The following GGCX variants were observed in gnomAD, a reference collection of about 807,000 sequenced individuals.
GGCX encodes the protein gamma-glutamyl carboxylase.
Under a neutral mutation model 88.5 loss-of-function variants are expected in GGCX, and 63 were observed. The observed-to-expected ratio is 0.71, with a 90% CI of 0.58 to 0.88. The LOEUF is 0.88. GGCX is among the 40% of genes least tolerant of loss of function. The pLI, the probability that GGCX is intolerant of heterozygous loss-of-function variation, is 0.00. For missense variants in GGCX, 805 were observed against 932.9 expected (o/e 0.86, Z 1.79); for synonymous variants, 368 against 365.8 (o/e 1.01, Z -0.07).
At chr2:85,559,894 T>A (rs1031857713) in intron 2 of GGCX, among the ~76,000 whole-genome samples, 1 of 152,150 alleles carries the variant, frequency 6.6e-6, no homozygotes, top group African/African-American at 2.4e-5. Flanking sequence ...TCAGGACTAG[T>A]CACATTTTGG....
At position 85,547,992 on chromosome 2, in the gene GGCX, G is replaced by A. The variant is rs1691759702; in HGVS notation, c.*1942C>T. On this transcript the variant is annotated 3_prime_UTR_variant, in exon 15 of 15. Coordinates refer to ENST00000233838, the MANE Select transcript of GGCX (RefSeq NM_000821.7). ...GGCAGGTGGATACTTAAGGTCATGAGTTTGAGACCAGCCTGGCCAATGTGG... is the reference window on the plus strand; with the variant it reads ...GGCAGGTGGATACTTAAGGTCATGAATTTGAGACCAGCCTGGCCAATGTGG... 1 of 152,230 alleles carries A rather than the reference G, an allele frequency of 6.6e-6. No individual in the cohort carries two copies. Among genetic ancestry groups the A allele is most frequent in the Non-Finnish European group, 1.5e-5 (1 of 68,062 alleles). The allele number at this position is 152,230 out of a possible 1,614,324, so 9.4% of individuals were successfully genotyped here.
intron 6 of GGCX, chr2:85,555,079 T>C (rs1692150937): frequency 5.8e-6 from 1 of 173,206 alleles, no homozygotes. Flanking sequence ...GAAGTGATAA[T>C]AATGGTTTTG....
At chr2:85,555,158 G>A (rs1692155945) in intron 6 of GGCX, 2 of 293,902 alleles carry the variant, frequency 6.8e-6, no homozygotes, top group Non-Finnish European at 1.3e-5. Flanking sequence ...GGAGGCTAGA[G>A]TGGCAAGGCA....
chr2:85,553,546 C>T, intron 7 of GGCX, 49 bp from the exon 8 acceptor site: 4 of 1,583,712 alleles, frequency 2.5e-6, no homozygotes, highest in Non-Finnish European at 3.5e-6. Flanking sequence ...GGCTGGGCCT[C>T]TTCAACCCCG....
intron 9 of GGCX, 48 bp downstream of exon 9, chr2:85,552,884 CCAAAGCA>C (rs1415869489): frequency 4.4e-6 from 7 of 1,602,338 alleles, no homozygotes; most frequent in Non-Finnish European, 6.0e-6. Flanking sequence ...AAACCAGACC[CCAAAGCA>C]CAAGGGGGCT....
intron 11 of GGCX, 75 bp downstream of exon 11, chr2:85,551,737 C>T: frequency 3.2e-6 from 5 of 1,557,744 alleles, no homozygotes; most frequent in Non-Finnish European, 4.4e-6. Context: ...CTCTCCCCTC[C>T]CACCACATGG....
chr2:85,550,123 G>A lies in GGCX; in HGVS notation c.2088C>T (p.Phe696=). The A allele has an allele frequency of 1.9e-6, 3 of 1,612,842 alleles. No homozygotes were observed. The highest frequency in any genetic ancestry group is 1.1e-5 in the South Asian group (1 of 91,048). The stretch of plus-strand genomic sequence containing the variant: ...TTCGAAGTGAGATACAAGTCATCAG[G>A]AAGCTGAAAAACAGGAAAAAGCCGA... ...LRKLYVFRRS[F]LMTCISLRNL... The change falls in exon 15 of 15, where the codon TTC becomes TTT. Residue 696 remains phenylalanine (F), a synonymous_variant. Transcript: ENST00000233838.
chr2:85,552,044 C>CTGG, intron 10 of GGCX, 63 bp from the exon 11 acceptor site: 5 of 1,220,134 alleles, frequency 4.1e-6, no homozygotes, highest in Non-Finnish European at 6.1e-6. Context: ...ACTTCCAGTT[C>CTGG]TCTCCCTTTC....
Position 85,552,556 on chromosome 2 carries a change from CTG to C in GGCX, c.1297_1298del (p.Gln433GlufsTer26), listed in dbSNP as rs1558806955. Reference protein sequence around the residue: ...LGYLNPGVFTQSRRWKDHADM... With the variant: ...LGYLNPGVFTXSRRWKDHADM... Reference sequence around the variant, plus strand: ...CTGCATGATCCTTCCATCGCCGACTCTGTGTAAATACCTGCCCCAAACCCCCA... The same window carrying C: ...CTGCATGATCCTTCCATCGCCGACTCTGTAAATACCTGCCCCAAACCCCCA... On this transcript the variant is annotated frameshift_variant, in exon 10 of 15. Coordinates refer to ENST00000233838, the MANE Select transcript of GGCX (RefSeq NM_000821.7). LOFTEE classifies it high-confidence loss of function. The C allele has an allele frequency of 1.5e-5, 25 of 1,613,420 alleles. No individual in the cohort carries two copies. Among genetic ancestry groups the C allele is most frequent in the Non-Finnish European group, 1.8e-5 (21 of 1,179,964 alleles).
chr2:85,559,115 T>C (rs1337625899), intron 2 of GGCX, 40 bp from the exon 3 acceptor site: 4 of 1,565,178 alleles, frequency 2.6e-6, no homozygotes. Flanking sequence ...GGGCCTCAGC[T>C]AAGGAAGCAG....
chr2:85,550,622 G>GT lies in GGCX; in HGVS notation c.2016_2017insA (p.Arg673ThrfsTer7). ...AATCGCTCATGGAAAGGAGTATTTC[G>GT]CCGGCGTTCAATCTCCTGGAGCCTT... On this transcript the variant is annotated frameshift_variant, in exon 14 of 15. Transcript: ENST00000233838. LOFTEE classifies it high-confidence loss of function. 6.2e-7 allele frequency: 1 copy of GT among 1,613,914 alleles called. No individual in the cohort carries two copies. The highest frequency in any genetic ancestry group is 1.1e-5 in the South Asian group (1 of 91,076).
rs1573334514 is a variant in GGCX at position 85,561,297 on chromosome 2, C to T, written c.43+89G>A. On this transcript the variant is annotated intron_variant, in intron 1 of 14. Coordinates refer to ENST00000233838, the MANE Select transcript of GGCX (RefSeq NM_000821.7). ...ACAGAGGACCCCCCCCCCGCCTCAC[C>T]GGGAGACACTGGGCGTCCTCCCGCC... The T allele has an allele frequency of 2.7e-6, 2 of 753,606 alleles. 1 individual carries two copies. 46.7% of individuals were successfully genotyped at this position (753,606 alleles called of 1,614,324 possible). A position where few individuals can be genotyped will look rare whatever the true frequency, so the allele number is the denominator to read the frequency against.
intron 2 of GGCX, among the ~76,000 whole-genome samples, chr2:85,559,510 C>T (rs988850314): frequency 1.2e-4 from 18 of 151,622 alleles, no homozygotes; most frequent in African/African-American, 4.1e-4. Flanking sequence ...GTTGGGAGTT[C>T]GAAACCAGCC....
chr2:85,552,662 G>T, intron 9 of GGCX, 95 bp from the exon 10 acceptor site: 2 of 1,247,748 alleles, frequency 1.6e-6, no homozygotes, highest in Non-Finnish European at 2.4e-6. Context: ...CCTGCCTGCT[G>T]CCCATTCTGG....
At chr2:85,560,005 T>TC (rs1486339021) in intron 2 of GGCX, among the ~76,000 whole-genome samples, 3 of 152,098 alleles carry the variant, frequency 2.0e-5, no homozygotes, top group Admixed American at 2.0e-4. Context: ...CTATTCTTCC[T>TC]CCCCCAAGTT....
chr2:85,555,752 T>C (rs1692181032), intron 5 of GGCX, among the ~76,000 whole-genome samples, 162 bp from the exon 6 acceptor site: 1 of 152,190 alleles, frequency 6.6e-6, no homozygotes, highest in Admixed American at 6.5e-5. Context: ...AATCTACTTA[T>C]ATATATTTTT....
At chr2:85,558,889 A>G (rs1558812397) in intron 3 of GGCX, 28 bp downstream of exon 3, 2 of 1,602,924 alleles carry the variant, frequency 1.2e-6, no homozygotes, top group Non-Finnish European at 1.7e-6. Context: ...CTGGCAGGCC[A>G]GTCAATATTT....
intron 6 of GGCX, 141 bp downstream of exon 6, chr2:85,555,343 T>C (rs550181480): frequency 1.5e-6 from 1 of 652,422 alleles, no homozygotes; most frequent in African/African-American, 1.8e-5. Flanking sequence ...ACTCTGCTTC[T>C]GCTGAATAGG....
chr2:85,554,841 T>A (rs1692138514), intron 6 of GGCX: 1 of 186,672 alleles, frequency 5.4e-6, no homozygotes, highest in Non-Finnish European at 1.1e-5. Flanking sequence ...AGGGCAGATC[T>A]CCTAGGACAA....
Sources: allele counts gnomAD v4.1 joint callset (sites outside exome capture counted in the v4.1 genomes callset), GRCh38; gene constraint gnomAD v4.1.1; transcripts MANE v1.5; gene names NCBI Gene and HGNC (gene_info 2026-07-23, HGNC 2026-07-21).